Variants in PCDH15 observed in about 807,000 individuals in gnomAD.
PCDH15 encodes the protein protocadherin related 15.
In PCDH15, 129 loss-of-function variants were observed where a neutral mutation model predicts 178.5. The observed-to-expected ratio is 0.72, with a 90% CI of 0.63 to 0.84. The LOEUF (loss-of-function observed/expected upper bound fraction) is 0.84. Among genes scored for constraint, PCDH15 ranks in the 40% least tolerant of loss-of-function variants. PCDH15 has a pLI of 0.00. For missense variants in PCDH15, 2,230 were observed against 2,099.9 expected, an observed-to-expected ratio of 1.06 and a Z score of -1.21; for synonymous variants, 800 against 732.0, an observed-to-expected ratio of 1.09 and a Z score of -1.50.
intron 2 of PCDH15, among the ~76,000 whole-genome samples, chr10:55,450,954 A>AATATATATATATAT (rs1839421065): frequency 2.4e-5 from 1 of 41,212 alleles, no homozygotes; most frequent in African/African-American, 1.5e-4. Flanking sequence ...AGGGGTAAGA[A>AATATATATATATAT]CTATATATAT....
chr10:54,068,615 G>T (rs112118778), intron 17 of PCDH15, among the ~76,000 whole-genome samples: 3,353 of 152,172 alleles, frequency 0.022, 54 homozygotes, highest in Middle Eastern at 0.048. Context: ...CATACTATAT[G>T]ATTCCATTTA....
rs890978803 is a variant in PCDH15 at position 54,381,196 on chromosome 10, C to A, written c.158-2254G>T. ...AATATACATATTTTTTAAAAATTAA[C>A]CTAAGTGTTCACTCTGAATTGCCTG... On this transcript the variant is annotated intron_variant, in intron 3 of 37. Coordinates refer to ENST00000644397, the MANE Select transcript of PCDH15 (RefSeq NM_001384140.1). Among the ~76,000 whole-genome samples the A allele has an allele frequency of 5.9e-5, 9 of 152,078 alleles. 1 individual carries two copies. Among genetic ancestry groups the A allele is most frequent in the Middle Eastern group, 3.4e-3 (1 of 294 alleles).
rs79224596 is a variant in PCDH15, at chr10:53,960,013, C to T, written c.3010-169G>A. The stretch of plus-strand genomic sequence containing the variant: ...GCAGACACTATGCTAGAAAATACTA[C>T]GTTCTCACTTAATCTTTACAATAAT... On this transcript the variant is annotated intron_variant, in intron 22 of 37. Transcript: ENST00000644397. Among the ~76,000 whole-genome samples, 435 of 152,250 alleles carry T rather than the reference C, an allele frequency of 2.9e-3. 2 individuals carry two copies. Among genetic ancestry groups the T allele is most frequent in the African/African-American group, 7.5e-3 (312 of 41,546 alleles).
At chr10:54,874,386 G>A (rs906696939) in intron 3 of PCDH15, among the ~76,000 whole-genome samples, 3 of 148,834 alleles carry the variant, frequency 2.0e-5, no homozygotes, top group African/African-American at 7.5e-5. Flanking sequence ...TGGACATTTG[G>A]GTTGGTTCCA....
intron 16 of PCDH15, among the ~76,000 whole-genome samples, chr10:54,080,022 AACC>A: frequency 6.6e-6 from 1 of 152,168 alleles, no homozygotes; most frequent in East Asian, 1.9e-4. Context: ...ACTTTATTAT[AACC>A]ACATTTAAAT....
At chr10:54,161,189 T>C (rs557441262) in intron 13 of PCDH15, among the ~76,000 whole-genome samples, 8 of 152,328 alleles carry the variant, frequency 5.3e-5, no homozygotes, top group South Asian at 2.1e-4. Context: ...TTTCACAAGA[T>C]GGATTCTATT....
At chr10:54,929,990 TCTAA>T (rs1163342399) in intron 2 of PCDH15, among the ~76,000 whole-genome samples, 4 of 152,172 alleles carry the variant, frequency 2.6e-5, no homozygotes, top group African/African-American at 9.7e-5. Context: ...TCATTTGTTT[TCTAA>T]CTAAGAGCAG....
chr10:53,980,540 T>C (rs935323645), intron 21 of PCDH15, among the ~76,000 whole-genome samples: 4 of 152,112 alleles, frequency 2.6e-5, no homozygotes, highest in African/African-American at 7.2e-5. Flanking sequence ...CCAAACTAGA[T>C]GCAAAGTTGT....
intron 15 of PCDH15, among the ~76,000 whole-genome samples, chr10:54,103,915 A>C (rs1420629365): frequency 3.3e-5 from 5 of 151,856 alleles, no homozygotes. Flanking sequence ...TGCTTATATA[A>C]ATTAAAAAAA....
chr10:53,846,631 T>A (rs900015228), intron 28 of PCDH15, among the ~76,000 whole-genome samples: 2 of 151,978 alleles, frequency 1.3e-5, no homozygotes, highest in Non-Finnish European at 2.9e-5. Context: ...ACCAAGTTAT[T>A]TTTGGTAGAT....
chr10:54,103,001 G>A (rs114200780), intron 15 of PCDH15, among the ~76,000 whole-genome samples: 1,907 of 152,184 alleles, frequency 0.013, 26 homozygotes, highest in African/African-American at 0.03. Context: ...TAAAAGGCCC[G>A]AGGCCTCCTT....
rs1948821087 is a variant in PCDH15, at chr10:54,378,846, AC to A, written c.253del (p.Val85CysfsTer2). 1 of 1,613,844 alleles carries A rather than the reference AC, an allele frequency of 6.2e-7. No individual in the cohort carries two copies. Among genetic ancestry groups the A allele is most frequent in the Non-Finnish European group, 8.5e-7 (1 of 1,179,874 alleles). On this transcript the variant is annotated frameshift_variant, in exon 4 of 38. Transcript: ENST00000644397. LOFTEE classifies it high-confidence loss of function. Reference sequence around the variant, plus strand: ...CATTTGCTTAACAGGATCCATCAACACCCAGTAATCCACATTATCCTTTAAA... The same window carrying A: ...CATTTGCTTAACAGGATCCATCAACACCAGTAATCCACATTATCCTTTAAA... ...LSLKDNVDYW[V>X]LMDPVKQMLF... is the part of the protein sequence containing the mutation.
intron 5 of PCDH15, among the ~76,000 whole-genome samples, chr10:54,357,514 G>A (rs112094247): frequency 0.12 from 18,394 of 151,882 alleles, 1,180 homozygotes; most frequent in Middle Eastern, 0.2. Flanking sequence ...AAATAAAAGA[G>A]GATACAAACA....
In PCDH15 at chr10:54,317,341, A is replaced by T. The variant is rs2061339957; in HGVS notation, c.806T>A (p.Val269Asp). ...DDLGPMFLPCVLVPNTRDCRP... is the reference protein window; with the variant it reads ...DDLGPMFLPCDLVPNTRDCRP... ...GCAATCACGAGTGTTTGGCACAAGG[A>T]CACAAGGAAGAAACATTGGACCCAA... is the stretch of plus-strand genomic sequence containing the variant. Residue 269 changes from valine to aspartate, a missense_variant, in exon 8 of 38, where the codon GTC becomes GAC. Coordinates refer to ENST00000644397, the MANE Select transcript of PCDH15 (RefSeq NM_001384140.1). 1.9e-6 allele frequency: 3 copies of T among 1,613,914 alleles called. No individual in the cohort carries two copies. Among genetic ancestry groups the T allele is most frequent in the Non-Finnish European group, 1.7e-6 (2 of 1,179,930 alleles).
intron 2 of PCDH15, among the ~76,000 whole-genome samples, chr10:55,569,260 A>C (rs1842361247): frequency 6.6e-6 from 1 of 152,056 alleles, no homozygotes; most frequent in South Asian, 2.1e-4. Context: ...TACCTATGCA[A>C]TAAGATGCTT....
At chr10:53,825,526 T>G (rs2132548578) in intron 32 of PCDH15, among the ~76,000 whole-genome samples, 1 of 151,884 alleles carries the variant, frequency 6.6e-6, no homozygotes, top group Admixed American at 6.5e-5. Context: ...GCACACTGAC[T>G]TTTAAAGTAG....
intron 14 of PCDH15, among the ~76,000 whole-genome samples, chr10:54,146,388 G>GGA (rs772826915): frequency 1.6e-4 from 24 of 151,916 alleles, no homozygotes; most frequent in Admixed American, 5.3e-4. Flanking sequence ...AGCTATTTGG[G>GGA]GAGAGAGAGT....
intron 3 of PCDH15, among the ~76,000 whole-genome samples, chr10:54,522,675 T>G (rs2082998369): frequency 6.6e-6 from 1 of 152,186 alleles, no homozygotes; most frequent in African/African-American, 2.4e-5. Context: ...GCATCGCCAG[T>G]ACCAGAACAG....
intron 21 of PCDH15, among the ~76,000 whole-genome samples, chr10:53,993,428 T>C (rs999315052): frequency 1.3e-5 from 2 of 152,174 alleles, no homozygotes; most frequent in Non-Finnish European, 2.9e-5. Context: ...CCTTACATTC[T>C]AGTTTGGAAG....
Sources: gnomAD v4.1 joint callset for allele counts (sites outside exome capture counted in the v4.1 genomes callset) on GRCh38, gnomAD v4.1.1 for gene constraint, MANE v1.5 for transcripts, NCBI Gene and HGNC (gene_info 2026-07-23, HGNC 2026-07-21) for gene names.